The following ZDHHC14 variants were observed in gnomAD, a reference collection of about 807,000 sequenced individuals.
ZDHHC14 encodes zDHHC palmitoyltransferase 14.
A neutral mutation model predicts 47.7 loss-of-function variants in ZDHHC14; 16 were observed. The ratio of observed to expected loss-of-function variants is 0.34; its 90% CI spans 0.23 to 0.51. The LOEUF is 0.51. ZDHHC14 is among the 20% of genes least tolerant of loss of function. The pLI is 0.97. For missense variants in ZDHHC14, 515 were observed against 662.5 expected (o/e 0.78, Z 2.44); for synonymous variants, 293 against 278.9 (o/e 1.05, Z -0.50).
intron 2 of ZDHHC14, chr6:157,592,766 G>A: frequency 7.4e-7 from 1 of 1,353,058 alleles, no homozygotes; most frequent in Middle Eastern, 2.8e-4. Context: ...TGCTCCATTG[G>A]CCAGAGCTCA....
intron 1 of ZDHHC14, among the ~76,000 whole-genome samples, chr6:157,393,301 A>G (rs1777456781): frequency 6.6e-6 from 1 of 152,200 alleles, no homozygotes; most frequent in African/African-American, 2.4e-5. Flanking sequence ...GAGCCATGGG[A>G]ATGAGGTGGG....
chr6:157,514,039 T>G (rs1583733680), intron 1 of ZDHHC14, among the ~76,000 whole-genome samples: 1 of 152,186 alleles, frequency 6.6e-6, no homozygotes, highest in Non-Finnish European at 1.5e-5. Context: ...GGCTGGTCCC[T>G]CCTGCCAGTC....
intron 1 of ZDHHC14, among the ~76,000 whole-genome samples, chr6:157,480,751 T>G (rs758190759): frequency 6.6e-6 from 1 of 151,406 alleles, no homozygotes; most frequent in Non-Finnish European, 1.5e-5. Flanking sequence ...TTGGTTCTTC[T>G]AAGAGTATAA....
intron 1 of ZDHHC14, among the ~76,000 whole-genome samples, chr6:157,432,977 C>G (rs1300065869): frequency 6.6e-6 from 1 of 152,254 alleles, no homozygotes; most frequent in Non-Finnish European, 1.5e-5. Flanking sequence ...AAACAAGTTT[C>G]CTTCTGCGCT....
intron 1 of ZDHHC14, among the ~76,000 whole-genome samples, chr6:157,441,017 T>C (rs1778551238): frequency 6.6e-6 from 1 of 152,194 alleles, no homozygotes; most frequent in South Asian, 2.1e-4. Context: ...GGAATGTGAC[T>C]TATGGGGGTC....
At chr6:157,568,677 G>A (rs557184805) in intron 2 of ZDHHC14, among the ~76,000 whole-genome samples, 2 of 152,056 alleles carry the variant, frequency 1.3e-5, no homozygotes, top group African/African-American at 2.4e-5. Flanking sequence ...AGATACATAC[G>A]TTTTTAATGT....
chr6:157,533,434 G>C (rs1469737664), intron 1 of ZDHHC14, among the ~76,000 whole-genome samples: 1 of 152,140 alleles, frequency 6.6e-6, no homozygotes, highest in Non-Finnish European at 1.5e-5. Context: ...CACAGTCAGG[G>C]AAGGCTCTAC....
chr6:157,588,838 G>A (rs143139536), intron 2 of ZDHHC14, among the ~76,000 whole-genome samples: 6,814 of 152,166 alleles, frequency 0.045, 208 homozygotes, highest in Non-Finnish European at 0.069. Context: ...CAATCACTGG[G>A]GAATCTCGGT....
intron 1 of ZDHHC14, among the ~76,000 whole-genome samples, chr6:157,519,838 A>G (rs897660653): frequency 1.3e-5 from 2 of 152,206 alleles, no homozygotes; most frequent in African/African-American, 2.4e-5. Context: ...ATAAAATGCT[A>G]ACAGACCCGT....
intron 3 of ZDHHC14, among the ~76,000 whole-genome samples, chr6:157,608,481 A>G (rs1455006076): frequency 6.6e-6 from 1 of 152,206 alleles, no homozygotes; most frequent in Non-Finnish European, 1.5e-5. Context: ...GCAGCGTCCC[A>G]TCTGGGCTGA....
At position 157,643,650 on chromosome 6, in the gene ZDHHC14, A is replaced by AATATATATATATATAT. The variant is rs3056787; in HGVS notation, c.753-2076_753-2061dup. On this transcript the variant is annotated intron_variant, in intron 5 of 8. Transcript: ENST00000359775. ...GCAACAAAAGCAAAACTTCATCTCA[A>AATATATATATATATAT]ATATATATATATATATATATATATA... Among the ~76,000 whole-genome samples, 677 of 72,396 alleles carry AATATATATATATATAT rather than the reference A, an allele frequency of 9.4e-3. 32 individuals carry two copies. Among genetic ancestry groups the AATATATATATATATAT allele is most frequent in the African/African-American group, 0.01 (226 of 22,394 alleles). The allele number at this position is 72,396 out of a possible 152,430, so 47.5% of individuals were successfully genotyped here.
At chr6:157,419,279 G>A (rs1025480702) in intron 1 of ZDHHC14, among the ~76,000 whole-genome samples, 1 of 152,142 alleles carries the variant, frequency 6.6e-6, no homozygotes, top group Non-Finnish European at 1.5e-5. Context: ...TACTCTTTGT[G>A]TTGTATATTC....
chr6:157,638,084 A>C lies in ZDHHC14; in HGVS notation c.752+5202A>C, dbSNP rs567817928. 2.3e-4 allele frequency among the ~76,000 whole-genome samples: 35 copies of C among 152,050 alleles called. 1 individual carries two copies. The South Asian group carries it at 7.3e-3, about 32-fold the overall frequency. ...GTGTGGCCAGCCCAGGGGGAGAGGGAGGGAGGAGAGGGAGGTGGAGGCAGG... is the reference window on the plus strand; with the variant it reads ...GTGTGGCCAGCCCAGGGGGAGAGGGCGGGAGGAGAGGGAGGTGGAGGCAGG... On this transcript the variant is annotated intron_variant, in intron 5 of 8. Coordinates refer to ENST00000359775, the MANE Select transcript of ZDHHC14 (RefSeq NM_024630.3).
At chr6:157,524,162 C>T (rs1232700211) in intron 1 of ZDHHC14, among the ~76,000 whole-genome samples, 4 of 150,654 alleles carry the variant, frequency 2.7e-5, no homozygotes, top group Admixed American at 6.6e-5. Context: ...CGGAGTCTCA[C>T]TTTGTTGCCC....
intron 1 of ZDHHC14, among the ~76,000 whole-genome samples, chr6:157,475,578 T>C (rs241578): frequency 0.81 from 122,642 of 152,084 alleles, 49,599 homozygotes; most frequent in East Asian, 0.98. Context: ...CCTTCACCTC[T>C]TTGGTTAAAT....
intron 1 of ZDHHC14, among the ~76,000 whole-genome samples, chr6:157,430,236 A>G (rs1384666024): frequency 1.3e-5 from 2 of 151,334 alleles, no homozygotes; most frequent in Admixed American, 1.3e-4. Context: ...GAATTGCTCA[A>G]ACCTGGGAGG....
intron 5 of ZDHHC14, among the ~76,000 whole-genome samples, chr6:157,633,809 T>C (rs1049115783): frequency 2.0e-5 from 3 of 152,162 alleles, no homozygotes; most frequent in Non-Finnish European, 2.9e-5. Context: ...TGTGCCACCA[T>C]GCCCGGCTAA....
At chr6:157,631,000 CCACACTCT>C (rs1341125622) in intron 4 of ZDHHC14, 2 of 150,118 alleles carry the variant, frequency 1.3e-5, no homozygotes, top group Non-Finnish European at 3.0e-5. Flanking sequence ...CCTTACACAC[CCACACTCT>C]CACACCTTTA....
intron 5 of ZDHHC14, among the ~76,000 whole-genome samples, chr6:157,644,241 G>A (rs1332576459): frequency 2.0e-5 from 3 of 152,216 alleles, no homozygotes; most frequent in African/African-American, 7.2e-5. Context: ...CTCCTGGCAG[G>A]GGGGATGTGG....
Sources: gnomAD v4.1 joint callset for allele counts (sites outside exome capture counted in the v4.1 genomes callset) on GRCh38, gnomAD v4.1.1 for gene constraint, MANE v1.5 for transcripts, NCBI Gene and HGNC (gene_info 2026-07-23, HGNC 2026-07-21) for gene names.